Variants in NPNT observed in about 807,000 individuals in gnomAD.
NPNT encodes preosteoblast EGF-like repeat protein with MAM domain.
A neutral mutation model predicts 68.6 loss-of-function variants in NPNT; 45 were observed. The observed-to-expected ratio is 0.66, with a 90% CI of 0.52 to 0.84. The LOEUF is 0.84. Ranked by LOEUF, NPNT falls within the 40% of genes least tolerant of loss-of-function variation. The pLI, the probability that NPNT is intolerant of heterozygous loss-of-function variation, is 0.00. For synonymous variants in NPNT, 233 were observed against 253.3 expected (o/e 0.92, Z 0.76); for missense variants, 672 against 714.8 (o/e 0.94, Z 0.68).
At chr4:105,916,953 T>C (rs1038393658) in intron 2 of NPNT, among the ~76,000 whole-genome samples, 1 of 152,006 alleles carries the variant, frequency 6.6e-6, no homozygotes, top group African/African-American at 2.4e-5. Context: ...AACAGTTTAA[T>C]GAGAAAATGA....
chr4:105,899,092 G>A (rs1726192416), intron 2 of NPNT, among the ~76,000 whole-genome samples: 1 of 152,132 alleles, frequency 6.6e-6, no homozygotes, highest in African/African-American at 2.4e-5. Context: ...AGGAAAGTTA[G>A]GAGTTCCCTC....
At chr4:105,931,554 G>A (rs898377310) in intron 3 of NPNT, among the ~76,000 whole-genome samples, 1 of 151,710 alleles carries the variant, frequency 6.6e-6, no homozygotes, top group East Asian at 1.9e-4. Flanking sequence ...GCCGGGCGCC[G>A]TGGCTCTACC....
intron 11 of NPNT, 87 bp downstream of exon 11, chr4:105,967,531 G>A (rs1446566307): frequency 2.2e-6 from 3 of 1,348,018 alleles, no homozygotes; most frequent in Non-Finnish European, 2.0e-6. Flanking sequence ...AAGCCTTGCT[G>A]TGTGAATTCA....
At chr4:105,940,696 G>C in intron 7 of NPNT, 60 bp downstream of exon 7, 1 of 1,435,518 alleles carries the variant, frequency 7.0e-7, no homozygotes, top group Non-Finnish European at 9.7e-7. Flanking sequence ...TTACACAAAG[G>C]CCATTGCTAG....
chr4:105,963,978 C>A (rs1731930849), intron 10 of NPNT, among the ~76,000 whole-genome samples: 1 of 152,002 alleles, frequency 6.6e-6, no homozygotes, highest in South Asian at 2.1e-4. Flanking sequence ...GCCTTTGTCA[C>A]TTATCGATAC....
chr4:105,927,114 T>G (rs1728741506), intron 2 of NPNT: 1 of 300,936 alleles, frequency 3.3e-6, no homozygotes, highest in Non-Finnish European at 6.1e-6. Flanking sequence ...GAATTTAAAA[T>G]TTTTTTCAGC....
Position 105,897,958 on chromosome 4 carries a change from C to T in NPNT, c.129C>T (p.Asp43=). The part of the protein sequence containing the change: ...IGLCRYGGRI[D]CCWGWARQSW... ...TATGTCGTTATGGTGGGAGGATTGA[C>T]TGCTGCTGGGGCTGGGCTCGCCAGT... Residue 43 remains aspartate (D), a synonymous_variant, in exon 2 of 12, where the codon GAC becomes GAT. Coordinates refer to ENST00000379987, the MANE Select transcript of NPNT (RefSeq NM_001033047.3). 4.3e-6 allele frequency: 7 copies of T among 1,613,452 alleles called. No homozygotes were observed. Among genetic ancestry groups the T allele is most frequent in the Non-Finnish European group, 5.9e-6 (7 of 1,179,762 alleles).
intron 2 of NPNT, among the ~76,000 whole-genome samples, chr4:105,904,009 T>C (rs1726659775): frequency 6.6e-6 from 1 of 152,046 alleles, no homozygotes. Flanking sequence ...GGTCTCCAGC[T>C]CTGAGCTCAA....
rs879275490 is a variant in NPNT, at chr4:105,970,556, C to T, written c.*1566C>T. The T allele has an allele frequency of 7.3e-6, 5 of 680,358 alleles. No homozygotes were observed. The highest frequency in any genetic ancestry group is 2.0e-5 in the Admixed American group (1 of 49,142). The allele number at this position is 680,358 out of a possible 1,614,324, so 42.1% of individuals were successfully genotyped here. ...GGCGACCAGCTGTTCTCCATATGCA[C>T]TAAGAATAGAACAAGAGGAAACTGG... On this transcript the variant is annotated 3_prime_UTR_variant, in exon 12 of 12. Transcript: ENST00000379987.
chr4:105,900,061 T>G (rs566342659), intron 2 of NPNT, among the ~76,000 whole-genome samples: 105 of 152,394 alleles, frequency 6.9e-4, no homozygotes, highest in Admixed American at 3.5e-3. Context: ...TGTATAACAA[T>G]TCAATCTAAT....
intron 8 of NPNT, among the ~76,000 whole-genome samples, chr4:105,957,000 A>C (rs1731279771): frequency 6.6e-6 from 1 of 152,216 alleles, no homozygotes; most frequent in Non-Finnish European, 1.5e-5. Flanking sequence ...TTTTTGCTAA[A>C]AACAATAGGA....
At chr4:105,923,558 C>G (rs1422419347) in intron 2 of NPNT, among the ~76,000 whole-genome samples, 1 of 152,074 alleles carries the variant, frequency 6.6e-6, no homozygotes, top group African/African-American at 2.4e-5. Context: ...CCCTAAATTG[C>G]TAGGATGGTG....
intron 2 of NPNT, among the ~76,000 whole-genome samples, chr4:105,902,003 T>G (rs1477471363): frequency 6.6e-6 from 1 of 152,222 alleles, no homozygotes; most frequent in Non-Finnish European, 1.5e-5. Context: ...AGCAGAGAAT[T>G]TTGATTTAGT....
chr4:105,909,862 CA>C (rs1467249999), intron 2 of NPNT, among the ~76,000 whole-genome samples: 1 of 152,150 alleles, frequency 6.6e-6, no homozygotes, highest in African/African-American at 2.4e-5. Context: ...TCACCTTTAA[CA>C]AAGTGTGTGT....
intron 8 of NPNT, among the ~76,000 whole-genome samples, chr4:105,951,006 G>C (rs1239746233): frequency 6.6e-6 from 1 of 152,146 alleles, no homozygotes; most frequent in Non-Finnish European, 1.5e-5. Flanking sequence ...AGTAGGACCA[G>C]AGACTCTGCA....
rs781658808 is a variant in NPNT, at chr4:105,967,396, T to C, written c.1554T>C (p.His518=). The stretch of plus-strand genomic sequence containing the variant: ...CCCTGTGGGGAAGAAATGGTGGCCA[T>C]GGCTGGAGGCAAACACAGATCACCT... ...GAALWGRNGG[H]GWRQTQITLR... Residue 518 remains histidine, a synonymous_variant, in exon 11 of 12, where the codon CAT becomes CAC. Coordinates refer to ENST00000379987, the MANE Select transcript of NPNT (RefSeq NM_001033047.3). The C allele has an allele frequency of 6.2e-7, 1 of 1,605,188 alleles. No individual in the cohort carries two copies. The highest frequency in any genetic ancestry group is 1.3e-5 in the African/African-American group (1 of 74,770).
chr4:105,937,429 G>A (rs1578641570), intron 4 of NPNT, among the ~76,000 whole-genome samples: 1 of 146,520 alleles, frequency 6.8e-6, no homozygotes, highest in Admixed American at 6.8e-5. Flanking sequence ...TCTTCTATCT[G>A]GGCATAGAAG....
intron 3 of NPNT, chr4:105,932,717 G>T: frequency 6.6e-7 from 1 of 1,517,928 alleles, no homozygotes; most frequent in Non-Finnish European, 8.8e-7. Flanking sequence ...AGCGTGCATT[G>T]TCCCAGGTGG....
At chr4:105,912,895 C>A (rs1332247807) in intron 2 of NPNT, among the ~76,000 whole-genome samples, 1 of 152,144 alleles carries the variant, frequency 6.6e-6, no homozygotes, top group East Asian at 1.9e-4. Context: ...TGAAACAGAG[C>A]CTTGCTCTGT....
Sources: allele counts gnomAD v4.1 joint callset (sites outside exome capture counted in the v4.1 genomes callset), GRCh38; gene constraint gnomAD v4.1.1; transcripts MANE v1.5; gene names NCBI Gene and HGNC (gene_info 2026-07-23, HGNC 2026-07-21).